Variants in ZFR2 observed in about 807,000 individuals in gnomAD.
The protein encoded by ZFR2 is zinc finger RNA-binding protein 2.
In ZFR2, 104 loss-of-function variants were observed where a neutral mutation model predicts 105.7. The ratio of observed to expected loss-of-function variants is 0.98; its 90% CI spans 0.84 to 1.16. ZFR2 has a LOEUF of 1.16. Ranked by LOEUF, ZFR2 falls within the 50% of genes most tolerant of loss-of-function variation. ZFR2 has a pLI of 0.00. For synonymous variants in ZFR2, 634 were observed against 597.7 expected, an observed-to-expected ratio of 1.06 and a Z score of -0.89; for missense variants, 1,425 against 1,355.5, an observed-to-expected ratio of 1.05 and a Z score of -0.80.
At chr19:3,815,098 CT>C (rs983978764) in intron 13 of ZFR2, among the ~76,000 whole-genome samples, 1 of 149,730 alleles carries the variant, frequency 6.7e-6, no homozygotes, top group African/African-American at 2.5e-5. Context: ...TTCTTTCTTT[CT>C]TTTTTTTTAA....
chr19:3,846,191 G>A (rs1473152869), intron 1 of ZFR2, among the ~76,000 whole-genome samples: 1 of 152,238 alleles, frequency 6.6e-6, no homozygotes, highest in African/African-American at 2.4e-5. Flanking sequence ...TGGCCAGGCT[G>A]TTCTTGAACG....
chr19:3,857,867 G>A (rs980438271), intron 1 of ZFR2, among the ~76,000 whole-genome samples: 3 of 152,098 alleles, frequency 2.0e-5, no homozygotes, highest in Non-Finnish European at 4.4e-5. Context: ...CAACAAGCAC[G>A]CGCTGGTGCT....
In ZFR2 at chr19:3,822,121, T is replaced by C. The variant is rs757391510; in HGVS notation, c.1451A>G (p.Asp484Gly). 4.3e-6 allele frequency: 7 copies of C among 1,610,046 alleles called. No individual in the cohort carries two copies. The highest frequency in any genetic ancestry group is 5.9e-6 in the Non-Finnish European group (7 of 1,178,616). ...ECSFNDLNAK[D>G]LHVRGRRHRL... ...GTGCCGCCGCCCCCTCACGTGCAGGTCCTTCGCGTTAAGGTCGTTGAAACT... is the reference window on the plus strand; with the variant it reads ...GTGCCGCCGCCCCCTCACGTGCAGGCCCTTCGCGTTAAGGTCGTTGAAACT... The change falls in exon 9 of 19, where the codon GAC becomes GGC. Residue 484 changes from aspartate (D) to glycine (G), a missense_variant. Transcript: ENST00000262961.
intron 7 of ZFR2, 96 bp downstream of exon 7, chr19:3,825,134 G>C: frequency 7.4e-7 from 1 of 1,355,246 alleles, no homozygotes; most frequent in Non-Finnish European, 9.5e-7. Context: ...GGGAAGACAT[G>C]ACGAAAATCG....
chr19:3,816,206 A>G (rs2037822919), intron 13 of ZFR2, among the ~76,000 whole-genome samples: 1 of 147,394 alleles, frequency 6.8e-6, no homozygotes, highest in South Asian at 2.1e-4. Flanking sequence ...TGGCTAACAA[A>G]CTGGTTGGTT....
At chr19:3,826,988 T>C (rs1166808815) in intron 6 of ZFR2, among the ~76,000 whole-genome samples, 1 of 150,674 alleles carries the variant, frequency 6.6e-6, no homozygotes, top group East Asian at 2.0e-4. Flanking sequence ...ACGCCTGTAA[T>C]CCCGGCACTT....
At chr19:3,860,332 C>T (rs2038358836) in intron 1 of ZFR2, among the ~76,000 whole-genome samples, 1 of 152,050 alleles carries the variant, frequency 6.6e-6, no homozygotes, top group South Asian at 2.1e-4. Flanking sequence ...AGCCACTGCA[C>T]CCGGCCCGAA....
At chr19:3,814,040 T>G (rs1599222556) in intron 13 of ZFR2, 82 bp from the exon 14 acceptor site, 4 of 1,568,100 alleles carry the variant, frequency 2.6e-6, no homozygotes, top group Admixed American at 1.9e-5. Flanking sequence ...GGTTGGTGTG[T>G]GTAAATTAAT....
chr19:3,845,860 C>T (rs935236942), intron 1 of ZFR2, among the ~76,000 whole-genome samples: 1 of 152,172 alleles, frequency 6.6e-6, no homozygotes, highest in Non-Finnish European at 1.5e-5. Context: ...CGGGCATATT[C>T]AGAGGTACTG....
intron 13 of ZFR2, among the ~76,000 whole-genome samples, chr19:3,816,189 C>T (rs2037822829): frequency 6.6e-6 from 1 of 151,838 alleles, no homozygotes; most frequent in South Asian, 2.1e-4. Flanking sequence ...GTGTGAGCCA[C>T]CATGCCTGGC....
Position 3,816,680 on chromosome 19 carries a change from CT to C in ZFR2, c.2096del (p.Gln699ArgfsTer5), listed in dbSNP as rs755750121. 24 of 1,607,474 alleles carry C rather than the reference CT, an allele frequency of 1.5e-5. No individual in the cohort carries two copies. In the African/African-American group the frequency reaches 2.9e-4, roughly 20 times the overall value. On this transcript the variant is annotated frameshift_variant, in exon 13 of 19. Coordinates refer to ENST00000262961, the MANE Select transcript of ZFR2 (RefSeq NM_015174.2). LOFTEE classifies it high-confidence loss of function. ...LRRIAQQLPRQLQMVTEDEYE... is the reference protein window; with the variant it reads ...LRRIAQQLPRXLQMVTEDEYE... ...AGCAGGGCCCTGACCTTACCTGGAG[CT>C]GCCGGGGCAGCTGCTGGGCGATCCT...
chr19:3,855,646 AG>A (rs1239350851), intron 1 of ZFR2: 1 of 399,232 alleles, frequency 2.5e-6, no homozygotes, highest in Non-Finnish European at 4.3e-6. Context: ...GGACGCGGCA[AG>A]GGGGTGTGAG....
At chr19:3,857,289 A>G (rs1357726639) in intron 1 of ZFR2, among the ~76,000 whole-genome samples, 1 of 151,836 alleles carries the variant, frequency 6.6e-6, no homozygotes, top group Non-Finnish European at 1.5e-5. Context: ...ACTAATTCAA[A>G]TAAAGCAAGC....
chr19:3,820,957 GT>G (rs201270578), intron 10 of ZFR2, among the ~76,000 whole-genome samples: 6 of 96,188 alleles, frequency 6.2e-5, no homozygotes, highest in Admixed American at 4.1e-4. Flanking sequence ...CTAGAGGTCG[GT>G]GGACACAGGG....
In ZFR2 at chr19:3,825,314, TG is replaced by T; in HGVS notation, c.1128del (p.Thr377ArgfsTer50). 6.3e-7 allele frequency: 1 copy of T among 1,582,616 alleles called. No homozygotes were observed. Among genetic ancestry groups the T allele is most frequent in the Non-Finnish European group, 8.5e-7 (1 of 1,169,668 alleles). ...TESPPGAEAKPTSPTGPSVCA... is the reference protein window; with the variant it reads ...TESPPGAEAKXTSPTGPSVCA... Reference sequence around the variant, plus strand: ...CACACGCTGGGGCCAGTGGGGGACGTGGGCTTGGCCTCTGCCCCGGGGGGGC... The same window carrying T: ...CACACGCTGGGGCCAGTGGGGGACGTGGCTTGGCCTCTGCCCCGGGGGGGC... On this transcript the variant is annotated frameshift_variant, in exon 7 of 19. Coordinates refer to ENST00000262961, the MANE Select transcript of ZFR2 (RefSeq NM_015174.2). LOFTEE classifies it high-confidence loss of function.
Position 3,834,889 on chromosome 19 carries a change from G to A in ZFR2, c.148C>T (p.Pro50Ser), listed in dbSNP as rs1215155527. The part of the protein sequence containing the change: ...GMDPAVNPAF[P>S]PAAPAGYGGY... ...CCGTACCCTGCCGGGGCAGCTGGGG[G>A]AAAGGCCGGGTTCACGGCAGGGTCC... The change falls in exon 2 of 19, where the codon CCC (proline) becomes TCC (serine). Residue 50 changes from proline (P) to serine (S), a missense_variant. By Grantham distance (74) the Pro-to-Ser change is moderately conservative. Transcript: ENST00000262961. The surrounding 1 kb of genome is among the most constrained non-coding windows in gnomAD (Gnocchi z 5.3). 4.3e-6 allele frequency: 7 copies of A among 1,611,882 alleles called. No homozygotes were observed. Among genetic ancestry groups the A allele is most frequent in the African/African-American group, 2.7e-5 (2 of 75,036 alleles).
chr19:3,810,971 C>T (rs1202931284), intron 15 of ZFR2, 126 bp from the exon 16 acceptor site: 12 of 1,081,944 alleles, frequency 1.1e-5, no homozygotes, highest in South Asian at 1.6e-5. Context: ...TCGAAGGTGG[C>T]GGGTGGAAAC....
intron 11 of ZFR2, 76 bp from the exon 12 acceptor site, chr19:3,819,311 G>T: frequency 7.1e-7 from 1 of 1,407,602 alleles, no homozygotes; most frequent in South Asian, 1.5e-5. Context: ...GGGCAGGTGG[G>T]GGCAGGTGGC....
chr19:3,849,642 G>C (rs1476481536), intron 1 of ZFR2, among the ~76,000 whole-genome samples: 1 of 152,246 alleles, frequency 6.6e-6, no homozygotes, highest in East Asian at 1.9e-4. Context: ...CAGAGCCAAA[G>C]GCTGCTTCCT....
Sources: allele counts gnomAD v4.1 joint callset (sites outside exome capture counted in the v4.1 genomes callset), GRCh38; gene constraint gnomAD v4.1.1; non-coding constraint Gnocchi (gnomAD v3.1); transcripts MANE v1.5; gene names NCBI Gene and HGNC (gene_info 2026-07-23, HGNC 2026-07-21).